The following FSIP1 variants were observed in gnomAD, a reference collection of about 807,000 sequenced individuals.
FSIP1 encodes the protein fibrous sheath interacting protein 1, also known as fibrous sheath-interacting protein 1.
In FSIP1, 65 loss-of-function variants were observed where a neutral mutation model predicts 60.9. That is an observed-to-expected ratio of 1.07 (90% CI 0.87 to 1.31). The LOEUF is 1.31. Among genes scored for constraint, FSIP1 ranks in the 40% most tolerant of loss-of-function variants. The pLI is 0.00. For missense variants in FSIP1, 675 were observed against 665.5 expected (o/e 1.01, Z -0.16); for synonymous variants, 209 against 221.2 (o/e 0.94, Z 0.49).
intron 11 of FSIP1, among the ~76,000 whole-genome samples, chr15:39,606,662 C>A (rs1470781776): frequency 6.6e-6 from 1 of 152,146 alleles, no homozygotes; most frequent in Non-Finnish European, 1.5e-5. Context: ...TCAACAGGTC[C>A]AACGAGAAAT....
chr15:39,618,273 A>T, intron 10 of FSIP1, 28 bp from the exon 11 acceptor site: 3 of 1,564,226 alleles, frequency 1.9e-6, no homozygotes, highest in Non-Finnish European at 2.6e-6. Context: ...AAGATTACAT[A>T]GTCAGTTGAC....
At chr15:39,777,210 T>C (rs1898093450) in intron 1 of FSIP1, among the ~76,000 whole-genome samples, 1 of 152,030 alleles carries the variant, frequency 6.6e-6, no homozygotes, top group Non-Finnish European at 1.5e-5. Flanking sequence ...CCCCTGCTAC[T>C]TTCTTTCGGT....
intron 10 of FSIP1, among the ~76,000 whole-genome samples, chr15:39,667,525 T>G (rs183300913): frequency 1.0e-3 from 154 of 152,326 alleles, no homozygotes; most frequent in African/African-American, 3.5e-3. Flanking sequence ...CTACTCTGTG[T>G]CAGGACCGTG....
chr15:39,626,922 C>T (rs1054262577), intron 10 of FSIP1, among the ~76,000 whole-genome samples: 1 of 152,192 alleles, frequency 6.6e-6, no homozygotes, highest in Admixed American at 6.5e-5. Flanking sequence ...CCAGCAGCTC[C>T]TCTGCCTCTT....
chr15:39,691,387 G>T (rs1487305453), intron 10 of FSIP1, among the ~76,000 whole-genome samples: 1 of 152,226 alleles, frequency 6.6e-6, no homozygotes, highest in Non-Finnish European at 1.5e-5. Context: ...CTTGGCCAGT[G>T]ACTGGAGCCT....
At chr15:39,602,342 T>C (rs1163254842) in intron 11 of FSIP1, 1 of 456,278 alleles carries the variant, frequency 2.2e-6, no homozygotes, top group Non-Finnish European at 4.4e-6. Flanking sequence ...TAGCGTTCTC[T>C]CCTAGGGCCT....
Position 39,700,761 on chromosome 15 carries a change from C to T in FSIP1, c.1188+12683G>A, listed in dbSNP as rs1281877714. Among the ~76,000 whole-genome samples, 11 of 152,192 alleles carry T rather than the reference C, an allele frequency of 7.2e-5. 1 individual carries two copies. The highest frequency in any genetic ancestry group is 3.9e-4 in the Admixed American group (6 of 15,278). On this transcript the variant is annotated intron_variant, in intron 10 of 11. Transcript: ENST00000350221. Reference sequence around the variant, plus strand: ...AATTCAGCAGAAGAATCCAGTTACACAACGATTCTTGAGCATCTGCAAAGG... The same window carrying T: ...AATTCAGCAGAAGAATCCAGTTACATAACGATTCTTGAGCATCTGCAAAGG...
chr15:39,621,416 G>A (rs1248218432), intron 10 of FSIP1, among the ~76,000 whole-genome samples: 1 of 152,192 alleles, frequency 6.6e-6, no homozygotes, highest in Non-Finnish European at 1.5e-5. Flanking sequence ...CCTCCTGGGG[G>A]AAGCAGCTGG....
chr15:39,685,722 A>G (rs946389294), intron 10 of FSIP1, among the ~76,000 whole-genome samples: 1 of 152,234 alleles, frequency 6.6e-6, no homozygotes, highest in African/African-American at 2.4e-5. Context: ...TTTTTATACA[A>G]AAGATGAGTT....
chr15:39,733,452 G>A (rs913320408), intron 8 of FSIP1, among the ~76,000 whole-genome samples: 3 of 152,152 alleles, frequency 2.0e-5, no homozygotes, highest in South Asian at 4.1e-4. Context: ...TGACAAAAAC[G>A]ATTAACATTA....
intron 9 of FSIP1, among the ~76,000 whole-genome samples, chr15:39,720,267 A>AAT (rs1895901483): frequency 6.6e-6 from 1 of 152,328 alleles, no homozygotes; most frequent in African/African-American, 2.4e-5. Context: ...TGTCAGCAAT[A>AAT]ATAGCATGAT....
chr15:39,626,239 C>T (rs935405691), intron 10 of FSIP1, among the ~76,000 whole-genome samples: 1 of 152,182 alleles, frequency 6.6e-6, no homozygotes, highest in Non-Finnish European at 1.5e-5. Context: ...CTAAACTTCA[C>T]AATTGAAGAG....
At chr15:39,665,339 A>G (rs927646606) in intron 10 of FSIP1, among the ~76,000 whole-genome samples, 5 of 152,226 alleles carry the variant, frequency 3.3e-5, no homozygotes, top group African/African-American at 9.6e-5. Flanking sequence ...CTTTAACTGT[A>G]CTGAGGAGAA....
chr15:39,743,663 C>T lies in FSIP1; in HGVS notation c.560-1763G>A, dbSNP rs116818115. 6.5e-3 allele frequency among the ~76,000 whole-genome samples: 989 copies of T among 152,228 alleles called. 8 individuals carry two copies. Among genetic ancestry groups the T allele is most frequent in the African/African-American group, 0.023 (935 of 41,528 alleles). The stretch of plus-strand genomic sequence containing the variant: ...TCCCCACAAGATAATTTATTAATTA[C>T]CAAAGGAAAAATAGTAACTTTACCA... On this transcript the variant is annotated intron_variant, in intron 5 of 11. Coordinates refer to ENST00000350221, the MANE Select transcript of FSIP1 (RefSeq NM_152597.5).
intron 3 of FSIP1, among the ~76,000 whole-genome samples, chr15:39,768,661 C>A (rs1312034817): frequency 6.6e-6 from 1 of 152,142 alleles, no homozygotes; most frequent in Admixed American, 6.5e-5. Flanking sequence ...GAAAATTTGG[C>A]CTCACACAGA....
At position 39,709,615 on chromosome 15, in the gene FSIP1, T is replaced by A. The variant is rs1394782494; in HGVS notation, c.1188+3829A>T. 2.0e-5 allele frequency among the ~76,000 whole-genome samples: 3 copies of A among 151,978 alleles called. 1 individual carries two copies. Among genetic ancestry groups the A allele is most frequent in the Non-Finnish European group, 2.9e-5 (2 of 67,990 alleles). ...CTCTCTTGATTTTAAAGCAATGAAA[T>A]GAAGTCTCTCAGACAGTGGTCCCCA... On this transcript the variant is annotated intron_variant, in intron 10 of 11. Transcript: ENST00000350221.
chr15:39,728,673 T>G (rs908635359), intron 8 of FSIP1, among the ~76,000 whole-genome samples: 3 of 152,152 alleles, frequency 2.0e-5, no homozygotes, highest in Non-Finnish European at 4.4e-5. Flanking sequence ...GAAGATAACC[T>G]AGGAAATACC....
intron 10 of FSIP1, among the ~76,000 whole-genome samples, chr15:39,618,579 A>G (rs933126086): frequency 2.6e-5 from 4 of 152,184 alleles, no homozygotes; most frequent in Non-Finnish European, 5.9e-5. Context: ...CTATCAGTGG[A>G]CAATACTGCT....
At chr15:39,758,882 C>T (rs1178896772) in intron 5 of FSIP1, among the ~76,000 whole-genome samples, 2 of 151,938 alleles carry the variant, frequency 1.3e-5, no homozygotes, top group Non-Finnish European at 2.9e-5. Context: ...TGAAAATAAA[C>T]CCAGTTCCTA....
Sources: allele counts gnomAD v4.1 joint callset (sites outside exome capture counted in the v4.1 genomes callset), GRCh38; gene constraint gnomAD v4.1.1; transcripts MANE v1.5; gene names NCBI Gene and HGNC (gene_info 2026-07-23, HGNC 2026-07-21).